Variants in PPFIA2 observed in about 807,000 individuals in gnomAD.
PPFIA2 encodes liprin-alpha-2.
Under a neutral mutation model 175.5 loss-of-function variants are expected in PPFIA2, and 46 were observed. The ratio of observed to expected loss-of-function variants is 0.26; its 90% CI spans 0.21 to 0.34. PPFIA2 has a LOEUF of 0.34. PPFIA2 is among the 10% of genes least tolerant of loss of function. PPFIA2 has a pLI of 1.00. For missense variants in PPFIA2, 1,179 were observed against 1,506.1 expected, an observed-to-expected ratio of 0.78 and a Z score of 3.60; for synonymous variants, 568 against 511.4, an observed-to-expected ratio of 1.11 and a Z score of -1.49.
At chr12:81,275,488 A>G (rs2040278367) in intron 28 of PPFIA2, among the ~76,000 whole-genome samples, 1 of 152,100 alleles carries the variant, frequency 6.6e-6, no homozygotes, top group African/African-American at 2.4e-5. Context: ...TGTAAATTAT[A>G]GAAACCTAAA....
intron 24 of PPFIA2, chr12:81,294,556 AAG>A (rs2046011856): frequency 6.3e-6 from 2 of 317,012 alleles, no homozygotes; most frequent in Admixed American, 4.8e-5. Flanking sequence ...GAATTGAAAA[AAG>A]AGTAAGCTCA....
At chr12:81,470,276 T>A (rs2056491504) in intron 4 of PPFIA2, among the ~76,000 whole-genome samples, 1 of 152,172 alleles carries the variant, frequency 6.6e-6, no homozygotes, top group South Asian at 2.1e-4. Context: ...CATGAACAGA[T>A]AATCTGAATA....
intron 4 of PPFIA2, among the ~76,000 whole-genome samples, chr12:81,462,172 C>A (rs958465824): frequency 4.1e-5 from 6 of 147,686 alleles, no homozygotes; most frequent in Non-Finnish European, 9.0e-5. Flanking sequence ...TTCTTTTTTA[C>A]TTTGTAGCTG....
chr12:81,300,522 A>G (rs2047554157), intron 22 of PPFIA2, among the ~76,000 whole-genome samples: 1 of 152,170 alleles, frequency 6.6e-6, no homozygotes, highest in Admixed American at 6.6e-5. Context: ...AATAGATGCA[A>G]CCAAAAATTC....
At chr12:81,443,683 A>G (rs1001926504) in intron 6 of PPFIA2, among the ~76,000 whole-genome samples, 1 of 151,948 alleles carries the variant, frequency 6.6e-6, no homozygotes, top group East Asian at 1.9e-4. Flanking sequence ...ATTCTCTAGT[A>G]CCTTCATTTA....
At chr12:81,274,787 G>A (rs2040080132) in intron 28 of PPFIA2, among the ~76,000 whole-genome samples, 1 of 152,154 alleles carries the variant, frequency 6.6e-6, no homozygotes, top group African/African-American at 2.4e-5. Flanking sequence ...AATTATTCCT[G>A]TAAATGTCAC....
chr12:81,441,989 T>A (rs2050258936), intron 6 of PPFIA2, among the ~76,000 whole-genome samples: 2 of 152,122 alleles, frequency 1.3e-5, no homozygotes, highest in Non-Finnish European at 2.9e-5. Flanking sequence ...AATGGTTGAA[T>A]CTAGGCTACA....
At chr12:81,495,140 G>A (rs2059896313) in intron 4 of PPFIA2, among the ~76,000 whole-genome samples, 1 of 151,926 alleles carries the variant, frequency 6.6e-6, no homozygotes, top group African/African-American at 2.4e-5. Context: ...TAGGACATCA[G>A]TCTTCAAACA....
intron 4 of PPFIA2, among the ~76,000 whole-genome samples, chr12:81,635,652 C>A (rs895003541): frequency 2.0e-5 from 3 of 152,132 alleles, no homozygotes; most frequent in Admixed American, 2.0e-4. Flanking sequence ...GGGACTCCAG[C>A]CCTGCTGTTA....
At chr12:81,440,080 A>C in intron 6 of PPFIA2, 34 bp from the exon 7 acceptor site, 1 of 1,443,464 alleles carries the variant, frequency 6.9e-7, no homozygotes, top group Non-Finnish European at 9.5e-7. Context: ...GCAGTAATGT[A>C]CATCCCATAC....
At chr12:81,663,704 G>T (rs1344519869) in intron 4 of PPFIA2, among the ~76,000 whole-genome samples, 2 of 151,980 alleles carry the variant, frequency 1.3e-5, no homozygotes, top group Admixed American at 6.6e-5. Flanking sequence ...AGTTCATATG[G>T]AACCAAAAAA....
At chr12:81,650,378 A>C (rs1033580222) in intron 4 of PPFIA2, among the ~76,000 whole-genome samples, 1 of 152,078 alleles carries the variant, frequency 6.6e-6, no homozygotes, top group African/African-American at 2.4e-5. Context: ...AATTAAATAT[A>C]CCGGATAACT....
chr12:81,449,501 A>AC (rs201706390), intron 5 of PPFIA2, among the ~76,000 whole-genome samples: 2 of 151,124 alleles, frequency 1.3e-5, no homozygotes, highest in Admixed American at 6.6e-5. Context: ...AAAAAAAAAA[A>AC]CAAAAAAAAA....
At chr12:81,284,174 T>C (rs2042736758) in intron 25 of PPFIA2, 67 bp downstream of exon 25, 1 of 1,200,110 alleles carries the variant, frequency 8.3e-7, no homozygotes, top group Non-Finnish European at 1.2e-6. Context: ...GTAAACAGAT[T>C]AGTTTCCTCA....
chr12:81,742,004 GA>G (rs1305127522), intron 3 of PPFIA2, among the ~76,000 whole-genome samples: 20 of 152,148 alleles, frequency 1.3e-4, no homozygotes, highest in Non-Finnish European at 2.4e-4. Flanking sequence ...TTATTTAGGG[GA>G]CAACTTTTCC....
chr12:81,420,422 C>T (rs2046034954), intron 7 of PPFIA2, among the ~76,000 whole-genome samples: 1 of 151,780 alleles, frequency 6.6e-6, no homozygotes. Context: ...AGATACACAA[C>T]TTGAAAATAA....
At chr12:81,379,820 C>T (rs181153887) in intron 9 of PPFIA2, among the ~76,000 whole-genome samples, 1 of 152,122 alleles carries the variant, frequency 6.6e-6, no homozygotes, top group Non-Finnish European at 1.5e-5. Flanking sequence ...ATCAGTGGAA[C>T]ATATTTATAA....
chr12:81,484,498 A>G (rs2058604096), intron 4 of PPFIA2, among the ~76,000 whole-genome samples: 1 of 151,984 alleles, frequency 6.6e-6, no homozygotes, highest in African/African-American at 2.4e-5. Context: ...TAATATTCAA[A>G]ATTTTTCCAG....
intron 19 of PPFIA2, among the ~76,000 whole-genome samples, chr12:81,342,059 G>T (rs1381234470): frequency 6.6e-6 from 1 of 152,058 alleles, no homozygotes. Context: ...TTACTACCAT[G>T]ATGGGAAAAC....
Sources: allele counts gnomAD v4.1 joint callset (sites outside exome capture counted in the v4.1 genomes callset), GRCh38; gene constraint gnomAD v4.1.1; transcripts MANE v1.5; gene names NCBI Gene and HGNC (gene_info 2026-07-23, HGNC 2026-07-21).